Variants in ZBTB20 observed in about 807,000 individuals in gnomAD.
ZBTB20 encodes the protein zinc finger and BTB domain-containing protein 20.
ZBTB20 carries 9 observed loss-of-function variants against 56.9 expected under a neutral mutation model. The ratio of observed to expected loss-of-function variants is 0.16; its 90% CI spans 0.10 to 0.28. The LOEUF (loss-of-function observed/expected upper bound fraction) is 0.28, where lower values mean the gene tolerates loss of function less well. Ranked by LOEUF, ZBTB20 falls within the 10% of genes least tolerant of loss-of-function variation. The pLI, the probability that ZBTB20 is intolerant of heterozygous loss-of-function variation, is 1.00. For synonymous variants in ZBTB20, 417 were observed against 420.7 expected (o/e 0.99, Z 0.11); for missense variants, 655 against 1,003.0 (o/e 0.65, Z 4.69).
intron 6 of ZBTB20, among the ~76,000 whole-genome samples, chr3:114,637,421 ATCAAAT>A (rs1560069933): frequency 6.6e-6 from 1 of 152,114 alleles, no homozygotes; most frequent in African/African-American, 2.4e-5. Flanking sequence ...GGTTTCACAG[ATCAAAT>A]TCAAATTATT....
intron 1 of ZBTB20, among the ~76,000 whole-genome samples, chr3:115,078,848 A>T (rs1427493779): frequency 1.3e-5 from 2 of 151,988 alleles, no homozygotes; most frequent in African/African-American, 2.4e-5. Context: ...AAAAAGTTGA[A>T]CCCTGAAATT....
At chr3:115,015,520 C>T (rs570625081) in intron 2 of ZBTB20, among the ~76,000 whole-genome samples, 3 of 151,838 alleles carry the variant, frequency 2.0e-5, no homozygotes, top group African/African-American at 7.2e-5. Flanking sequence ...CCCCATGTGT[C>T]CATGTGTTCT....
intron 7 of ZBTB20, among the ~76,000 whole-genome samples, chr3:114,445,281 T>G (rs561818118): frequency 6.6e-6 from 1 of 152,310 alleles, no homozygotes; most frequent in African/African-American, 2.4e-5. Flanking sequence ...ACTGTCCATA[T>G]TTAGAATTGA....
chr3:115,061,713 T>C (rs1032067926), intron 2 of ZBTB20, among the ~76,000 whole-genome samples: 2 of 152,202 alleles, frequency 1.3e-5, no homozygotes, highest in African/African-American at 4.8e-5. Flanking sequence ...AGAGTGTTCT[T>C]GTACACACAC....
chr3:114,651,762 C>T (rs2060147136), intron 6 of ZBTB20, among the ~76,000 whole-genome samples: 1 of 152,040 alleles, frequency 6.6e-6, no homozygotes, highest in Non-Finnish European at 1.5e-5. Context: ...GCAGTGAACA[C>T]TTGCCCAAGC....
chr3:114,484,818 T>C (rs73857614), intron 7 of ZBTB20, among the ~76,000 whole-genome samples: 3,406 of 148,808 alleles, frequency 0.023, 57 homozygotes, highest in South Asian at 0.067. Context: ...TGTGTGTGTG[T>C]GCGCGTGCAT....
In ZBTB20 at chr3:114,879,563, A is replaced by C. The variant is rs774428889; in HGVS notation, c.-417+20741T>G. On this transcript the variant is annotated intron_variant, in intron 4 of 11. Transcript: ENST00000675478. ...CCCTGACCTTCAAATCCCTTGCTCC[A>C]TGAGGAAATGAGACTACCGCCTCCT... Among the ~76,000 whole-genome samples the C allele has an allele frequency of 2.6e-5, 4 of 152,116 alleles. No individual in the cohort carries two copies. In the East Asian group the frequency reaches 7.7e-4, roughly 29 times the overall value.
intron 7 of ZBTB20, among the ~76,000 whole-genome samples, chr3:114,476,173 T>C (rs2040740756): frequency 1.3e-5 from 2 of 152,138 alleles, no homozygotes; most frequent in South Asian, 2.1e-4. Flanking sequence ...AAACATTTAC[T>C]GGCTCAAAAT....
At chr3:114,709,658 T>C (rs1203907824) in intron 5 of ZBTB20, among the ~76,000 whole-genome samples, 2 of 152,182 alleles carry the variant, frequency 1.3e-5, no homozygotes, top group East Asian at 3.8e-4. Context: ...CCATAACCTA[T>C]AATCAGGACT....
intron 7 of ZBTB20, among the ~76,000 whole-genome samples, chr3:114,422,412 C>T (rs953893601): frequency 2.6e-5 from 4 of 151,782 alleles, no homozygotes; most frequent in Non-Finnish European, 5.9e-5. Context: ...GAATATACTG[C>T]AACCGGACGT....
intron 6 of ZBTB20, among the ~76,000 whole-genome samples, chr3:114,646,328 C>T (rs753680968): frequency 5.3e-5 from 8 of 151,714 alleles, no homozygotes; most frequent in Non-Finnish European, 1.2e-4. Flanking sequence ...TTACAGAGAA[C>T]GAAAGATACA....
At chr3:115,095,153 A>G (rs944512628) in intron 1 of ZBTB20, among the ~76,000 whole-genome samples, 3 of 152,138 alleles carry the variant, frequency 2.0e-5, no homozygotes, top group African/African-American at 4.8e-5. Flanking sequence ...CACATTTTCT[A>G]TCAGAGTTTC....
At chr3:114,614,900 G>T (rs2057820203) in intron 6 of ZBTB20, among the ~76,000 whole-genome samples, 1 of 152,222 alleles carries the variant, frequency 6.6e-6, no homozygotes, top group South Asian at 2.1e-4. Context: ...TGGGATTATA[G>T]GTGTGTGCCA....
At chr3:114,765,190 A>G (rs759807643) in intron 5 of ZBTB20, among the ~76,000 whole-genome samples, 7 of 152,162 alleles carry the variant, frequency 4.6e-5, no homozygotes, top group Non-Finnish European at 7.4e-5. Flanking sequence ...CACAAAAAAT[A>G]GTGTTCATAA....
chr3:115,030,121 A>C (rs888413736), intron 2 of ZBTB20, among the ~76,000 whole-genome samples: 1 of 151,176 alleles, frequency 6.6e-6, no homozygotes, highest in Non-Finnish European at 1.5e-5. Flanking sequence ...ACATTATTAT[A>C]GGAACTTTGT....
chr3:114,717,857 G>A (rs528148516), intron 5 of ZBTB20, among the ~76,000 whole-genome samples: 1 of 152,120 alleles, frequency 6.6e-6, no homozygotes, highest in Non-Finnish European at 1.5e-5. Flanking sequence ...ACGGATAACC[G>A]CTTCTTTTCC....
At chr3:114,623,262 T>C (rs965079529) in intron 6 of ZBTB20, among the ~76,000 whole-genome samples, 6 of 152,198 alleles carry the variant, frequency 3.9e-5, no homozygotes, top group Admixed American at 3.3e-4. Context: ...CTATGAAAGC[T>C]GGTCCGTGGA....
chr3:114,734,080 T>A (rs563261964), intron 5 of ZBTB20, among the ~76,000 whole-genome samples: 1 of 152,210 alleles, frequency 6.6e-6, no homozygotes, highest in South Asian at 2.1e-4. Flanking sequence ...TTCCTAAAAA[T>A]TGTTTGAACC....
chr3:114,695,473 C>T lies in ZBTB20; in HGVS notation c.-342-1898G>A, dbSNP rs549183530. ...TGGTTCAGAGACCGTGAAAACCCAC[C>T]AAGATGAAAATGGAAGCTATTCTGA... On this transcript the variant is annotated intron_variant, in intron 5 of 11. Coordinates refer to ENST00000675478, the MANE Select transcript of ZBTB20 (RefSeq NM_001348800.3). 5.3e-3 allele frequency among the ~76,000 whole-genome samples: 804 copies of T among 152,020 alleles called. 9 individuals are homozygous for T. Among genetic ancestry groups the T allele is most frequent in the Middle Eastern group, 0.02 (6 of 294 alleles).
Sources: allele counts gnomAD v4.1 joint callset (sites outside exome capture counted in the v4.1 genomes callset), GRCh38; gene constraint gnomAD v4.1.1; transcripts MANE v1.5; gene names NCBI Gene and HGNC (gene_info 2026-07-23, HGNC 2026-07-21).